The following SMOC1 variants were observed in gnomAD, a reference collection of about 807,000 sequenced individuals.
SMOC1 encodes SPARC related modular calcium binding 1.
A neutral mutation model predicts 56.3 loss-of-function variants in SMOC1; 22 were observed. That is an observed-to-expected ratio of 0.39 (90% confidence interval 0.28 to 0.56). The LOEUF (loss-of-function observed/expected upper bound fraction) is 0.56. Ranked by LOEUF, SMOC1 falls within the 20% of genes least tolerant of loss-of-function variation. The pLI, the probability that SMOC1 is intolerant of heterozygous loss-of-function variation, is 0.61. For missense variants in SMOC1, 509 were observed against 565.4 expected, an observed-to-expected ratio of 0.90 and a Z score of 1.01; for synonymous variants, 193 against 215.0, an observed-to-expected ratio of 0.90 and a Z score of 0.89.
At chr14:69,931,302 A>G (rs1177696134) in intron 1 of SMOC1, among the ~76,000 whole-genome samples, 1 of 152,216 alleles carries the variant, frequency 6.6e-6, no homozygotes, top group Non-Finnish European at 1.5e-5. Flanking sequence ...TTATCCTTCA[A>G]GGGGCAGCCT....
intron 2 of SMOC1, among the ~76,000 whole-genome samples, 198 bp from the exon 3 acceptor site, chr14:69,953,222 C>G (rs974265159): frequency 1.3e-5 from 2 of 152,106 alleles, no homozygotes; most frequent in Non-Finnish European, 2.9e-5. Context: ...AAACACGAAT[C>G]CTCTGCTTTT....
chr14:70,011,658 G>A, intron 9 of SMOC1, 91 bp downstream of exon 9: 1 of 1,236,144 alleles, frequency 8.1e-7, no homozygotes, highest in Non-Finnish European at 1.2e-6. Context: ...CTCTTTGTCT[G>A]TTTCCCCATG....
At chr14:69,915,592 C>T (rs1044479668) in intron 1 of SMOC1, among the ~76,000 whole-genome samples, 1 of 152,210 alleles carries the variant, frequency 6.6e-6, no homozygotes, top group African/African-American at 2.4e-5. Flanking sequence ...CATGCTTTCC[C>T]TGATCCCTTG....
At chr14:70,030,219 T>C in intron 11 of SMOC1, 23 bp from the exon 12 acceptor site, 11 of 1,577,330 alleles carry the variant, frequency 7.0e-6, no homozygotes, top group Non-Finnish European at 7.7e-6. Flanking sequence ...TTTTTTTTTT[T>C]GCATTCTCCT....
At chr14:69,925,359 T>C (rs944205217) in intron 1 of SMOC1, among the ~76,000 whole-genome samples, 3 of 151,736 alleles carry the variant, frequency 2.0e-5, no homozygotes, top group African/African-American at 7.3e-5. Context: ...ATTGGAGGGC[T>C]CTTGAGGGGA....
At chr14:69,915,320 C>T (rs1884659122) in intron 1 of SMOC1, among the ~76,000 whole-genome samples, 1 of 152,198 alleles carries the variant, frequency 6.6e-6, no homozygotes, top group Non-Finnish European at 1.5e-5. Context: ...TGTCTGTGCC[C>T]TGAACCTCCT....
intron 1 of SMOC1, among the ~76,000 whole-genome samples, chr14:69,907,152 A>G (rs933420360): frequency 7.9e-5 from 12 of 152,252 alleles, no homozygotes; most frequent in African/African-American, 2.6e-4. Flanking sequence ...GGCCATGACT[A>G]TTTTAAGTTC....
At chr14:69,903,074 C>T (rs1303470588) in intron 1 of SMOC1, among the ~76,000 whole-genome samples, 4 of 151,796 alleles carry the variant, frequency 2.6e-5, no homozygotes, top group Middle Eastern at 3.4e-3. Flanking sequence ...TCTGCCTGGC[C>T]GCCCATCATC....
At chr14:70,024,900 G>A (rs1369400742) in intron 11 of SMOC1, among the ~76,000 whole-genome samples, 1 of 152,182 alleles carries the variant, frequency 6.6e-6, no homozygotes, top group African/African-American at 2.4e-5. Context: ...GCAAGGCAGG[G>A]TCATCCAATA....
intron 1 of SMOC1, among the ~76,000 whole-genome samples, chr14:69,887,297 T>C (rs1883836081): frequency 6.6e-6 from 1 of 152,278 alleles, no homozygotes; most frequent in African/African-American, 2.4e-5. Context: ...CAAAATGCTA[T>C]GAAAAGCATA....
In SMOC1 at chr14:69,945,252, G is replaced by A. The variant is rs115879809; in HGVS notation, c.100-6886G>A. Reference sequence around the variant, plus strand: ...TAGATAAATGATAATGCAGTATATCGAGGGTTTTGATAGAAGTATAAACAC... The same window carrying A: ...TAGATAAATGATAATGCAGTATATCAAGGGTTTTGATAGAAGTATAAACAC... On this transcript the variant is annotated intron_variant, in intron 1 of 11. Coordinates refer to ENST00000361956, the MANE Select transcript of SMOC1 (RefSeq NM_001034852.3). Among the ~76,000 whole-genome samples, 486 of 152,296 alleles carry A rather than the reference G, an allele frequency of 3.2e-3. 4 individuals carry two copies. The highest frequency in any genetic ancestry group is 0.011 in the African/African-American group (460 of 41,544).
chr14:70,011,308 G>A (rs1885327764), intron 8 of SMOC1, among the ~76,000 whole-genome samples, 177 bp from the exon 9 acceptor site: 1 of 152,196 alleles, frequency 6.6e-6, no homozygotes, highest in South Asian at 2.1e-4. Flanking sequence ...ACATGTCTCA[G>A]TGGGAACATT....
intron 1 of SMOC1, among the ~76,000 whole-genome samples, chr14:69,915,098 C>T (rs1338177810): frequency 6.6e-6 from 1 of 152,102 alleles, no homozygotes; most frequent in Non-Finnish European, 1.5e-5. Context: ...CAACTCCTGA[C>T]CTCAGGTGAT....
chr14:69,899,497 A>G (rs759706470), intron 1 of SMOC1, among the ~76,000 whole-genome samples: 3 of 152,072 alleles, frequency 2.0e-5, no homozygotes, highest in Non-Finnish European at 4.4e-5. Context: ...GCCTTCCGCT[A>G]TGATTGTAAG....
intron 5 of SMOC1, among the ~76,000 whole-genome samples, chr14:69,990,617 A>G (rs1594842221): frequency 6.6e-6 from 1 of 152,236 alleles, no homozygotes; most frequent in South Asian, 2.1e-4. Flanking sequence ...GAGTCAGGGG[A>G]AGTGATGCTA....
At chr14:69,923,869 G>A (rs1884919001) in intron 1 of SMOC1, among the ~76,000 whole-genome samples, 1 of 152,148 alleles carries the variant, frequency 6.6e-6, no homozygotes. Flanking sequence ...GTGGTGCCTG[G>A]CAATGTCCTG....
In SMOC1 at chr14:70,013,460, A is replaced by G. The variant is rs753332779; in HGVS notation, c.1015A>G (p.Ile339Val). ...TCTCACCACTGACATGGTTCAGGCC[A>G]TTAACTCAGCAGCGCCCACTGGAGG... ...DALTTDMVQA[I>V]NSAAPTGGGR... Residue 339 changes from isoleucine (I) to valine (V), a missense_variant, in exon 10 of 12, where the codon ATT becomes GTT. By Grantham distance (29) the Ile-to-Val change is conservative. Around this residue, in one of 3 missense-constraint regions of SMOC1, gnomAD observed 176 missense variants for 188.1 expected, o/e 0.94. Coordinates refer to ENST00000361956, the MANE Select transcript of SMOC1 (RefSeq NM_001034852.3). 1.1e-5 allele frequency: 17 copies of G among 1,614,096 alleles called. No homozygotes were observed. Among genetic ancestry groups the G allele is most frequent in the Non-Finnish European group, 1.4e-5 (16 of 1,180,034 alleles).
In SMOC1 at chr14:70,028,398, C is replaced by T. The variant is rs942524798; in HGVS notation, c.1292-1844C>T. Among the ~76,000 whole-genome samples the T allele has an allele frequency of 3.9e-5, 6 of 152,258 alleles. 1 individual carries two copies. Among genetic ancestry groups the T allele is most frequent in the South Asian group, 4.1e-4 (2 of 4,824 alleles). ...TGATTCTGGAGGCAGCTAGCTAGGT[C>T]GGAATTTGCTTTGCCGCATGGAAGC... is the stretch of plus-strand genomic sequence containing the variant. On this transcript the variant is annotated intron_variant, in intron 11 of 11. Coordinates refer to ENST00000361956, the MANE Select transcript of SMOC1 (RefSeq NM_001034852.3).
chr14:69,997,609 G>A (rs530715359), intron 7 of SMOC1, among the ~76,000 whole-genome samples: 2 of 152,294 alleles, frequency 1.3e-5, no homozygotes, highest in East Asian at 3.9e-4. Flanking sequence ...CTGGCACATA[G>A]TAGGTATACC....
Sources: gnomAD v4.1 joint callset for allele counts (sites outside exome capture counted in the v4.1 genomes callset) on GRCh38, gnomAD v4.1.1 for gene constraint, gnomAD v4.1.1 regional missense constraint, MANE v1.5 for transcripts, NCBI Gene and HGNC (gene_info 2026-07-23, HGNC 2026-07-21) for gene names.